KCNJ6: variants seen among roughly 807,000 people sequenced by gnomAD.
KCNJ6 encodes the protein G protein-activated inward rectifier potassium channel 2.
KCNJ6 carries 9 observed loss-of-function variants against 34.2 expected under a neutral mutation model. That is an observed-to-expected ratio of 0.26 (90% CI 0.16 to 0.46). The LOEUF is 0.46. KCNJ6 is among the 20% of genes least tolerant of loss of function. The pLI is 1.00. For missense variants in KCNJ6, 236 were observed against 531.3 expected (o/e 0.44, Z 5.46); for synonymous variants, 196 against 207.1 (o/e 0.95, Z 0.46).
intron 1 of KCNJ6, among the ~76,000 whole-genome samples, chr21:37,856,772 A>T (rs4816584): frequency 0.46 from 69,173 of 151,820 alleles, 16,751 homozygotes; most frequent in East Asian, 0.62. Flanking sequence ...ATAAAAAATC[A>T]GTATGGTGAG....
intron 1 of KCNJ6, among the ~76,000 whole-genome samples, chr21:37,887,094 G>A (rs1371714868): frequency 6.6e-6 from 1 of 152,088 alleles, no homozygotes; most frequent in African/African-American, 2.4e-5. Context: ...GGGAAGCTCA[G>A]CTATGGTCTC....
At chr21:37,817,112 C>T (rs1483345832) in intron 2 of KCNJ6, among the ~76,000 whole-genome samples, 1 of 152,174 alleles carries the variant, frequency 6.6e-6, no homozygotes, top group African/African-American at 2.4e-5. Flanking sequence ...TCTATTAGCA[C>T]CAACCTCACG....
chr21:37,684,279 C>T (rs1050417239), intron 3 of KCNJ6, among the ~76,000 whole-genome samples: 1 of 152,074 alleles, frequency 6.6e-6, no homozygotes, highest in African/African-American at 2.4e-5. Context: ...GTTGCATCAC[C>T]CTGACTTCTG....
rs201815398 is a variant in KCNJ6, at chr21:37,714,950, G to A, written c.207C>T (p.Asn69=). ...KDGKCNVHHG[N]VRETYRYLTD... is the part of the protein sequence containing the mutation. ...TCAGGTAGCGATAGGTCTCCCTCAC[G>A]TTGCCGTGATGAACATTGCACTTTC... The change falls in exon 3 of 4, where the codon AAC becomes AAT. Residue 69 remains asparagine (N), a synonymous_variant. Coordinates refer to ENST00000609713, the MANE Select transcript of KCNJ6 (RefSeq NM_002240.5). This position sits in a 1 kb window ranked among gnomAD's most constrained non-coding sequence, Gnocchi z 5.9. The A allele has an allele frequency of 6.0e-5, 97 of 1,614,222 alleles. No homozygotes were observed. In the African/African-American group the frequency reaches 9.7e-4, roughly 16 times the overall value.
intron 2 of KCNJ6, among the ~76,000 whole-genome samples, chr21:37,767,437 A>T (rs1055266631): frequency 3.3e-5 from 5 of 152,222 alleles, no homozygotes; most frequent in Non-Finnish European, 7.3e-5. Flanking sequence ...TTCACAGAGC[A>T]GGAAGCAACC....
chr21:37,881,470 G>GGAGAGAGAGAGAGAGAGAGA (rs10550872), intron 1 of KCNJ6, among the ~76,000 whole-genome samples: 2 of 149,110 alleles, frequency 1.3e-5, no homozygotes, highest in African/African-American at 5.0e-5. Context: ...CTCTCTGCAT[G>GGAGAGAGAGAGAGAGAGAGA]GAGAGAGAGA....
chr21:37,622,587 T>C lies in KCNJ6; in HGVS notation c.*2572A>G, dbSNP rs1166851430. ...AGGCTCACATTACAAAAACGAGATT[T>C]GGTTCAAGTTCTGTCTCCAACTACA... On this transcript the variant is annotated 3_prime_UTR_variant, in exon 4 of 4. Coordinates refer to ENST00000609713, the MANE Select transcript of KCNJ6 (RefSeq NM_002240.5). 6.6e-6 allele frequency: 1 copy of C among 152,168 alleles called. No homozygotes were observed. Among genetic ancestry groups the C allele is most frequent in the East Asian group, 1.9e-4 (1 of 5,186 alleles). The allele number at this position is 152,168 out of a possible 1,614,324, so 9.4% of individuals were successfully genotyped here.
At chr21:37,880,482 G>C (rs899008037) in intron 1 of KCNJ6, among the ~76,000 whole-genome samples, 9 of 152,342 alleles carry the variant, frequency 5.9e-5, no homozygotes, top group Middle Eastern at 6.8e-3. Flanking sequence ...GGGAAGTGGG[G>C]AATGCTCCTC....
intron 1 of KCNJ6, among the ~76,000 whole-genome samples, chr21:37,871,669 T>G (rs1323135403): frequency 6.6e-6 from 1 of 152,216 alleles, no homozygotes; most frequent in Non-Finnish European, 1.5e-5. Flanking sequence ...AGTGTGCTCT[T>G]GCAGACAGAT....
At chr21:37,704,089 G>A (rs935241611) in intron 3 of KCNJ6, among the ~76,000 whole-genome samples, 1 of 152,202 alleles carries the variant, frequency 6.6e-6, no homozygotes. Context: ...TAGCCTTGGG[G>A]GTATGGGGTA....
At chr21:37,822,814 G>C (rs2055380025) in intron 2 of KCNJ6, among the ~76,000 whole-genome samples, 1 of 152,208 alleles carries the variant, frequency 6.6e-6, no homozygotes, top group Non-Finnish European at 1.5e-5. Flanking sequence ...TAAATATTTA[G>C]ATTGGGTCTT....
intron 1 of KCNJ6, among the ~76,000 whole-genome samples, chr21:37,898,885 G>A (rs1487607950): frequency 1.3e-5 from 2 of 152,166 alleles, no homozygotes; most frequent in Non-Finnish European, 2.9e-5. Context: ...ATTAGTTTAG[G>A]TGTAATTTAC....
chr21:37,724,285 G>A (rs2054842527), intron 2 of KCNJ6, among the ~76,000 whole-genome samples: 1 of 151,964 alleles, frequency 6.6e-6, no homozygotes, highest in Non-Finnish European at 1.5e-5. Flanking sequence ...TAGTCAATGT[G>A]TTGCTTTCAG....
chr21:37,792,647 T>C (rs1018562664), intron 2 of KCNJ6, among the ~76,000 whole-genome samples: 7 of 152,184 alleles, frequency 4.6e-5, no homozygotes, highest in African/African-American at 7.2e-5. Flanking sequence ...TTAGTTTACA[T>C]TGGCATTGTT....
At position 37,856,544 on chromosome 21, in the gene KCNJ6, GC is replaced by G. The variant is rs538210287; in HGVS notation, c.-27-15836del. ...TGAACTTCAAGTCAGTGTGGAAAAT[GC>G]CCTTGCTCTCAGGAGATATACACTC... On this transcript the variant is annotated intron_variant, in intron 1 of 3. Coordinates refer to ENST00000609713, the MANE Select transcript of KCNJ6 (RefSeq NM_002240.5). 4.0e-3 allele frequency among the ~76,000 whole-genome samples: 605 copies of G among 152,222 alleles called. 1 individual carries two copies. Among genetic ancestry groups the G allele is most frequent in the Middle Eastern group, 6.8e-3 (2 of 294 alleles).
At chr21:37,838,256 A>T (rs1314816073) in intron 2 of KCNJ6, among the ~76,000 whole-genome samples, 4 of 152,248 alleles carry the variant, frequency 2.6e-5, no homozygotes, top group African/African-American at 7.2e-5. Flanking sequence ...ATAAATCGAT[A>T]GTCAGGTGAA....
At chr21:37,727,563 G>A (rs1601440839) in intron 2 of KCNJ6, among the ~76,000 whole-genome samples, 1 of 152,172 alleles carries the variant, frequency 6.6e-6, no homozygotes, top group East Asian at 1.9e-4. Flanking sequence ...TTGAGAAGGA[G>A]CCAAAAGGGT....
intron 3 of KCNJ6, among the ~76,000 whole-genome samples, chr21:37,639,772 T>TG (rs1216179466): frequency 2.0e-5 from 3 of 152,230 alleles, no homozygotes; most frequent in African/African-American, 7.2e-5. Context: ...GGAAGACGAC[T>TG]GGATCATGGA....
At chr21:37,797,994 C>CA (rs2123528909) in intron 2 of KCNJ6, among the ~76,000 whole-genome samples, 1 of 152,338 alleles carries the variant, frequency 6.6e-6, no homozygotes, top group South Asian at 2.1e-4. Flanking sequence ...AACATTCTCT[C>CA]AGTTGCAGTC....
Sources: allele counts gnomAD v4.1 joint callset (sites outside exome capture counted in the v4.1 genomes callset), GRCh38; gene constraint gnomAD v4.1.1; non-coding constraint Gnocchi (gnomAD v3.1); transcripts MANE v1.5; gene names NCBI Gene and HGNC (gene_info 2026-07-23, HGNC 2026-07-21).